TANC2: variants seen among roughly 807,000 people sequenced by gnomAD.
TANC2 encodes tetratricopeptide repeat, ankyrin repeat and coiled-coil containing 2.
A neutral mutation model predicts 210.5 loss-of-function variants in TANC2; 26 were observed. The observed-to-expected ratio is 0.12, with a 90% CI of 0.09 to 0.17. The LOEUF (loss-of-function observed/expected upper bound fraction) is 0.17, where lower values mean the gene tolerates loss of function less well. TANC2 is among the 10% of genes least tolerant of loss of function. The pLI is 1.00. For synonymous variants in TANC2, 931 were observed against 967.1 expected (o/e 0.96, Z 0.69); for missense variants, 2,129 against 2,608.9 (o/e 0.82, Z 4.01).
exon 28 of TANC2, chr17:63,427,081 T>G (rs572589640): frequency 6.6e-6 from 1 of 152,246 alleles, no homozygotes; most frequent in Admixed American, 6.5e-5. Context: ...TTTGTTTTGT[T>G]TTTTGTTTCC....
intron 6 of TANC2, among the ~76,000 whole-genome samples, chr17:63,196,653 A>G (rs1467662266): frequency 6.6e-6 from 1 of 152,190 alleles, no homozygotes; most frequent in Admixed American, 6.5e-5. Context: ...TTGAACCAGG[A>G]GGGAGAAAAT....
chr17:63,326,129 G>A (rs564607525), intron 11 of TANC2, among the ~76,000 whole-genome samples: 25 of 152,254 alleles, frequency 1.6e-4, no homozygotes, highest in African/African-American at 5.5e-4. Context: ...CTCTGACTAC[G>A]AGCCATTGAG....
At chr17:63,051,157 C>T (rs955528149) in intron 2 of TANC2, among the ~76,000 whole-genome samples, 1 of 152,192 alleles carries the variant, frequency 6.6e-6, no homozygotes, top group Admixed American at 6.5e-5. Flanking sequence ...AATTGATCAT[C>T]ATGAATAATA....
intron 1 of TANC2, among the ~76,000 whole-genome samples, chr17:63,008,183 G>T (rs2033708931): frequency 1.3e-5 from 2 of 151,730 alleles, no homozygotes; most frequent in Admixed American, 1.3e-4. Flanking sequence ...TGGTTATTCT[G>T]CTTGAGTTTG....
chr17:63,121,227 A>G (rs1220457108), intron 4 of TANC2, among the ~76,000 whole-genome samples: 2 of 152,184 alleles, frequency 1.3e-5, no homozygotes, highest in Non-Finnish European at 2.9e-5. Context: ...TATCACTCCA[A>G]CATTATGTAA....
At chr17:63,323,145 A>G (rs2146652780) in intron 11 of TANC2, among the ~76,000 whole-genome samples, 1 of 152,384 alleles carries the variant, frequency 6.6e-6, no homozygotes, top group South Asian at 2.1e-4. Flanking sequence ...AGCAGAAATT[A>G]TCTTTTAAAT....
At chr17:63,169,840 T>A (rs1039358030) in intron 5 of TANC2, among the ~76,000 whole-genome samples, 9 of 151,818 alleles carry the variant, frequency 5.9e-5, no homozygotes, top group African/African-American at 1.9e-4. Flanking sequence ...ATAATAATTT[T>A]AAAAATTTAT....
chr17:63,216,000 C>T (rs1041499763), intron 7 of TANC2, among the ~76,000 whole-genome samples: 1 of 152,060 alleles, frequency 6.6e-6, no homozygotes, highest in Non-Finnish European at 1.5e-5. Context: ...ATCTGCCTGC[C>T]TTGGCCTCCC....
At chr17:63,425,348 A>G (rs2049118016) in exon 28 of TANC2, 1 of 152,230 alleles carries the variant, frequency 6.6e-6, no homozygotes, top group Non-Finnish European at 1.5e-5. Context: ...AAATTATTGT[A>G]AACAGAACAG....
chr17:63,365,381 A>G (rs2047080327), intron 14 of TANC2, among the ~76,000 whole-genome samples: 1 of 151,948 alleles, frequency 6.6e-6, no homozygotes, highest in Non-Finnish European at 1.5e-5. Flanking sequence ...GTTTGTTTCC[A>G]TCTCTCATGA....
At chr17:63,050,381 A>G (rs1347074444) in intron 2 of TANC2, among the ~76,000 whole-genome samples, 1 of 151,816 alleles carries the variant, frequency 6.6e-6, no homozygotes, top group Non-Finnish European at 1.5e-5. Context: ...AAAAAGAAAG[A>G]AAGTGGAAAT....
At chr17:63,051,702 G>A (rs1187927997) in intron 2 of TANC2, among the ~76,000 whole-genome samples, 4 of 152,100 alleles carry the variant, frequency 2.6e-5, no homozygotes, top group Non-Finnish European at 5.9e-5. Flanking sequence ...TGTACTTTGA[G>A]TACCCATACA....
chr17:63,111,977 G>A (rs2038066864), intron 4 of TANC2, among the ~76,000 whole-genome samples: 1 of 152,160 alleles, frequency 6.6e-6, no homozygotes, highest in African/African-American at 2.4e-5. Context: ...GCCCGCCTCG[G>A]CCTTCCAAAG....
rs117459268 is a variant in TANC2 at position 63,137,426 on chromosome 17, T to C, written c.323-13844T>C. Among the ~76,000 whole-genome samples the C allele has an allele frequency of 6.1e-3, 931 of 152,340 alleles. 6 individuals are homozygous for C. The highest frequency in any genetic ancestry group is 7.7e-3 in the Non-Finnish European group (524 of 68,032). The stretch of plus-strand genomic sequence containing the variant: ...AGCTAAAGTGTCTTTTCTTTTCAAA[T>C]GTGTTTCCCTTGTAATTCTTCTTTG... On this transcript the variant is annotated intron_variant, in intron 4 of 27. Transcript: ENST00000689528.
At chr17:63,399,033 T>G in intron 19 of TANC2, 119 bp downstream of exon 19, 1 of 635,072 alleles carries the variant, frequency 1.6e-6, no homozygotes, top group Non-Finnish European at 2.7e-6. Context: ...GCTTTTGTAA[T>G]GCAGACTGAT....
intron 2 of TANC2, among the ~76,000 whole-genome samples, chr17:63,068,631 A>G (rs1244759540): frequency 6.6e-6 from 1 of 152,228 alleles, no homozygotes; most frequent in African/African-American, 2.4e-5. Context: ...AATTCGACAG[A>G]TAAATTTCAA....
intron 5 of TANC2, among the ~76,000 whole-genome samples, chr17:63,189,375 G>C (rs1369256525): frequency 6.6e-6 from 1 of 152,224 alleles, no homozygotes; most frequent in East Asian, 1.9e-4. Flanking sequence ...ATTTTACATT[G>C]CTACCATTAT....
chr17:63,365,682 T>A (rs2047089228), intron 14 of TANC2, among the ~76,000 whole-genome samples: 1 of 152,162 alleles, frequency 6.6e-6, no homozygotes, highest in Admixed American at 6.5e-5. Flanking sequence ...TTTTTAGAAC[T>A]TGCACTTTCC....
At chr17:63,419,347 G>C (rs1220866827) in intron 27 of TANC2, among the ~76,000 whole-genome samples, 1 of 152,224 alleles carries the variant, frequency 6.6e-6, no homozygotes, top group Non-Finnish European at 1.5e-5. Flanking sequence ...TAGTAGAGAA[G>C]ATGGGAATGT....
Sources: gnomAD v4.1 joint callset for allele counts (sites outside exome capture counted in the v4.1 genomes callset) on GRCh38, gnomAD v4.1.1 for gene constraint, MANE v1.5 for transcripts, NCBI Gene and HGNC (gene_info 2026-07-23, HGNC 2026-07-21) for gene names.